Variants in CNTN4 observed in about 807,000 individuals in gnomAD.
CNTN4 encodes the protein contactin-4.
In CNTN4, 77 loss-of-function variants were observed where a neutral mutation model predicts 122.5. The ratio of observed to expected loss-of-function variants is 0.63; its 90% CI spans 0.52 to 0.76. The LOEUF is 0.76. Ranked by LOEUF, CNTN4 falls within the 30% of genes least tolerant of loss-of-function variation. The pLI, the probability that CNTN4 is intolerant of heterozygous loss-of-function variation, is 0.00. For synonymous variants in CNTN4, 512 were observed against 447.0 expected (o/e 1.15, Z -1.83); for missense variants, 1,256 against 1,259.1 (o/e 1.00, Z 0.04).
At chr3:2,143,124 G>T (rs958958127) in intron 2 of CNTN4, among the ~76,000 whole-genome samples, 1 of 152,184 alleles carries the variant, frequency 6.6e-6, no homozygotes, top group African/African-American at 2.4e-5. Flanking sequence ...CAGCCTTGCT[G>T]ACCATTTCAT....
At chr3:2,690,291 C>A (rs764126939) in intron 4 of CNTN4, among the ~76,000 whole-genome samples, 8 of 152,106 alleles carry the variant, frequency 5.3e-5, no homozygotes, top group Admixed American at 1.3e-4. Context: ...TCCTTCCCCA[C>A]GAATATTCTC....
At chr3:2,650,113 G>A (rs974955880) in intron 4 of CNTN4, among the ~76,000 whole-genome samples, 3 of 148,420 alleles carry the variant, frequency 2.0e-5, no homozygotes, top group African/African-American at 4.9e-5. Context: ...GGAAAAGGAA[G>A]GAAGGAAATT....
At chr3:2,771,680 G>A (rs2091106579) in intron 6 of CNTN4, among the ~76,000 whole-genome samples, 1 of 151,968 alleles carries the variant, frequency 6.6e-6, no homozygotes, top group Admixed American at 6.6e-5. Flanking sequence ...AAGATCTAAA[G>A]AAAAAAATCT....
chr3:2,122,098 T>C (rs2033833435), intron 2 of CNTN4, among the ~76,000 whole-genome samples: 1 of 150,124 alleles, frequency 6.7e-6, no homozygotes, highest in South Asian at 2.1e-4. Flanking sequence ...GAGCTTGCAG[T>C]GAGCTGAGAT....
chr3:2,733,532 G>GTTTTTTTTTTTTTTT (rs1201306391), intron 4 of CNTN4, among the ~76,000 whole-genome samples: 2 of 120,556 alleles, frequency 1.7e-5, no homozygotes, highest in African/African-American at 6.9e-5. Flanking sequence ...GCATGTTTGT[G>GTTTTTTTTTTTTTTT]TTTTTTTTTT....
intron 8 of CNTN4, among the ~76,000 whole-genome samples, chr3:2,874,548 C>G (rs1345642089): frequency 1.3e-5 from 2 of 152,154 alleles, no homozygotes; most frequent in Admixed American, 1.3e-4. Flanking sequence ...CTTCTCTGCC[C>G]TCATGGATTA....
chr3:2,513,741 A>C (rs186858524), intron 3 of CNTN4, among the ~76,000 whole-genome samples: 14 of 152,286 alleles, frequency 9.2e-5, no homozygotes, highest in Non-Finnish European at 1.9e-4. Context: ...ATAATTTTAT[A>C]AAATTGGGAC....
intron 3 of CNTN4, among the ~76,000 whole-genome samples, chr3:2,384,386 C>G (rs771362280): frequency 3.9e-5 from 6 of 152,232 alleles, no homozygotes; most frequent in Non-Finnish European, 2.9e-5. Context: ...TTACCTCTTC[C>G]AAAGTCGCCT....
At chr3:2,422,173 C>G (rs2047643542) in intron 3 of CNTN4, among the ~76,000 whole-genome samples, 1 of 152,198 alleles carries the variant, frequency 6.6e-6, no homozygotes, top group Admixed American at 6.5e-5. Flanking sequence ...TAGAGCACTG[C>G]CCATAGAGGA....
At chr3:2,712,321 G>A (rs2675289) in intron 4 of CNTN4, among the ~76,000 whole-genome samples, 38,065 of 151,930 alleles carry the variant, frequency 0.25, 6,011 homozygotes, top group East Asian at 0.45. Context: ...ATATAGCCAC[G>A]AAAATAAATT....
At chr3:2,393,381 C>T (rs550266555) in intron 3 of CNTN4, among the ~76,000 whole-genome samples, 15 of 152,232 alleles carry the variant, frequency 9.9e-5, no homozygotes, top group African/African-American at 2.6e-4. Flanking sequence ...CAATTTAATG[C>T]GTGACACTCA....
At chr3:2,833,588 G>A (rs2093150061) in intron 7 of CNTN4, among the ~76,000 whole-genome samples, 1 of 150,990 alleles carries the variant, frequency 6.6e-6, no homozygotes, top group East Asian at 2.0e-4. Context: ...TCTCATGTTT[G>A]AGCGGAAGAA....
intron 2 of CNTN4, among the ~76,000 whole-genome samples, chr3:2,177,043 AG>A (rs1174887381): frequency 6.6e-6 from 1 of 152,132 alleles, no homozygotes; most frequent in Admixed American, 6.6e-5. Context: ...TTTTTAGTAA[AG>A]GTCATTTGAT....
intron 4 of CNTN4, among the ~76,000 whole-genome samples, chr3:2,602,763 C>G: frequency 6.6e-6 from 1 of 152,106 alleles, no homozygotes; most frequent in East Asian, 1.9e-4. Context: ...GGATTACAAG[C>G]ATTATATGGT....
At chr3:2,356,194 G>A (rs978713000) in intron 3 of CNTN4, among the ~76,000 whole-genome samples, 1 of 152,146 alleles carries the variant, frequency 6.6e-6, no homozygotes, top group Non-Finnish European at 1.5e-5. Flanking sequence ...ACATAAGAAT[G>A]AATTCGAGAA....
intron 14 of CNTN4, among the ~76,000 whole-genome samples, chr3:3,001,234 C>T (rs776178520): frequency 3.3e-5 from 5 of 152,048 alleles, no homozygotes; most frequent in African/African-American, 4.8e-5. Flanking sequence ...AGACTTTTAC[C>T]GCTACACAAC....
intron 2 of CNTN4, among the ~76,000 whole-genome samples, chr3:2,114,969 A>G (rs2033239503): frequency 6.6e-6 from 1 of 152,200 alleles, no homozygotes; most frequent in African/African-American, 2.4e-5. Flanking sequence ...TGTCATGGAC[A>G]TTTATTGTTA....
chr3:2,981,842 T>C (rs932670229), intron 13 of CNTN4, among the ~76,000 whole-genome samples: 1 of 152,044 alleles, frequency 6.6e-6, no homozygotes, highest in Non-Finnish European at 1.5e-5. Flanking sequence ...GTCAGAAGTT[T>C]CAGACCAGCC....
At chr3:2,679,254 G>C (rs1458051923) in intron 4 of CNTN4, among the ~76,000 whole-genome samples, 4 of 152,076 alleles carry the variant, frequency 2.6e-5, no homozygotes, top group Admixed American at 1.3e-4. Context: ...TGGAGATATT[G>C]CCTTTTCTGC....
Sources: gnomAD v4.1 joint callset for allele counts (sites outside exome capture counted in the v4.1 genomes callset) on GRCh38, gnomAD v4.1.1 for gene constraint, MANE v1.5 for transcripts, NCBI Gene and HGNC (gene_info 2026-07-23, HGNC 2026-07-21) for gene names.